Variants in GALNT13 observed in about 807,000 individuals in gnomAD.
GALNT13 encodes polypeptide N-acetylgalactosaminyltransferase 13.
Under a neutral mutation model 64.2 loss-of-function variants are expected in GALNT13, and 28 were observed. That is an observed-to-expected ratio of 0.44 (90% CI 0.32 to 0.60). GALNT13 has a LOEUF of 0.60. Ranked by LOEUF, GALNT13 falls within the 20% of genes least tolerant of loss-of-function variation. The pLI, the probability that GALNT13 is intolerant of heterozygous loss-of-function variation, is 0.05. For missense variants in GALNT13, 577 were observed against 669.8 expected, an observed-to-expected ratio of 0.86 and a Z score of 1.53; for synonymous variants, 214 against 224.6, an observed-to-expected ratio of 0.95 and a Z score of 0.42.
At chr2:153,163,875 G>T in the GALNT13 span, among the ~76,000 whole-genome samples, 1 of 151,786 alleles carries the variant, frequency 6.6e-6, no homozygotes, top group African/African-American at 2.4e-5. Flanking sequence ...AAAATTGGCC[G>T]GGCGTGGTGG....
chr2:153,370,467 A>G, the GALNT13 span: 1 of 152,162 alleles, frequency 6.6e-6, no homozygotes, highest in Non-Finnish European at 1.5e-5. Context: ...ATAACATATC[A>G]CGAGTAATTT....
intron 4 of GALNT13, among the ~76,000 whole-genome samples, chr2:154,148,011 G>A (rs1026089824): frequency 6.6e-6 from 1 of 151,868 alleles, no homozygotes; most frequent in African/African-American, 2.4e-5. Flanking sequence ...CTGGTGTGCT[G>A]CACCCATTAA....
chr2:154,317,407 G>T (rs897898691), intron 9 of GALNT13, among the ~76,000 whole-genome samples: 1 of 152,076 alleles, frequency 6.6e-6, no homozygotes, highest in Non-Finnish European at 1.5e-5. Context: ...GTAATATCTA[G>T]AAATATTCAA....
At chr2:153,744,332 A>G in the GALNT13 span, among the ~76,000 whole-genome samples, 2 of 152,082 alleles carry the variant, frequency 1.3e-5, no homozygotes, top group African/African-American at 4.8e-5. Flanking sequence ...ACTCCTCACC[A>G]GCATTTGGTA....
At chr2:154,180,525 G>C (rs1232350415) in intron 4 of GALNT13, among the ~76,000 whole-genome samples, 1 of 148,024 alleles carries the variant, frequency 6.8e-6, no homozygotes, top group Non-Finnish European at 1.5e-5. Flanking sequence ...TAAAAAAATA[G>C]ATTTGTTTTT....
chr2:153,213,709 T>A, the GALNT13 span, among the ~76,000 whole-genome samples: 1 of 152,192 alleles, frequency 6.6e-6, no homozygotes, highest in East Asian at 1.9e-4. Flanking sequence ...TCAGTCAGTT[T>A]TTTTTAGTTC....
the GALNT13 span, among the ~76,000 whole-genome samples, chr2:153,422,556 TA>T: frequency 6.6e-6 from 1 of 151,990 alleles, no homozygotes; most frequent in Non-Finnish European, 1.5e-5. Flanking sequence ...CTTATCACAA[TA>T]AAAAAATACA....
the GALNT13 span, among the ~76,000 whole-genome samples, chr2:153,282,642 C>G: frequency 6.6e-6 from 1 of 152,154 alleles, no homozygotes; most frequent in Non-Finnish European, 1.5e-5. Flanking sequence ...TCTCAAACTC[C>G]TGGGCTCAAG....
At chr2:153,436,223 G>A in the GALNT13 span, among the ~76,000 whole-genome samples, 3 of 152,130 alleles carry the variant, frequency 2.0e-5, no homozygotes, top group Admixed American at 6.5e-5. Context: ...TGCTGGATTC[G>A]TTTTGCCAGT....
intron 3 of GALNT13, among the ~76,000 whole-genome samples, chr2:154,087,101 A>C (rs774854799): frequency 6.6e-6 from 1 of 152,078 alleles, no homozygotes; most frequent in Non-Finnish European, 1.5e-5. Flanking sequence ...ATTAACGAGA[A>C]ACCTTAACTT....
chr2:153,799,657 A>G, the GALNT13 span, among the ~76,000 whole-genome samples: 248 of 152,244 alleles, frequency 1.6e-3, 3 homozygotes, highest in African/African-American at 5.8e-3. Context: ...TCCCTATTAA[A>G]TAATTACATT....
intron 8 of GALNT13, among the ~76,000 whole-genome samples, chr2:154,261,623 T>C (rs1424822035): frequency 6.6e-6 from 1 of 152,162 alleles, no homozygotes; most frequent in African/African-American, 2.4e-5. Context: ...CAAACATACA[T>C]TGAGCAAGTG....
At chr2:154,203,486 T>C (rs778341542) in intron 4 of GALNT13, among the ~76,000 whole-genome samples, 1 of 152,152 alleles carries the variant, frequency 6.6e-6, no homozygotes, top group Non-Finnish European at 1.5e-5. Flanking sequence ...GATACATAGA[T>C]AGATTTTTAA....
the GALNT13 span, among the ~76,000 whole-genome samples, chr2:153,167,150 C>T: frequency 6.6e-6 from 1 of 152,228 alleles, no homozygotes; most frequent in African/African-American, 2.4e-5. Flanking sequence ...CAGTCTGTGG[C>T]ATGTTGTAGT....
At chr2:154,412,575 A>G (rs1391109289) in intron 11 of GALNT13, among the ~76,000 whole-genome samples, 1 of 151,634 alleles carries the variant, frequency 6.6e-6, no homozygotes, top group Admixed American at 6.6e-5. Context: ...GTCAACAATT[A>G]TACCTTAACC....
the GALNT13 span, among the ~76,000 whole-genome samples, chr2:153,285,150 A>C: frequency 6.6e-6 from 1 of 152,138 alleles, no homozygotes; most frequent in Non-Finnish European, 1.5e-5. Flanking sequence ...GAGAGAATGA[A>C]TGCAAGCAGG....
chr2:154,120,674 A>G (rs1294740811), intron 3 of GALNT13, among the ~76,000 whole-genome samples: 1 of 152,126 alleles, frequency 6.6e-6, no homozygotes, highest in African/African-American at 2.4e-5. Context: ...TGTAAAATAT[A>G]CAGAGGTGGG....
At chr2:153,523,253 A>G in the GALNT13 span, among the ~76,000 whole-genome samples, 1 of 152,058 alleles carries the variant, frequency 6.6e-6, no homozygotes, top group Non-Finnish European at 1.5e-5. Flanking sequence ...AAGTCAGGCA[A>G]TATCAATACT....
chr2:153,206,873 C>A, the GALNT13 span, among the ~76,000 whole-genome samples: 2 of 152,010 alleles, frequency 1.3e-5, no homozygotes, highest in South Asian at 2.1e-4. Flanking sequence ...TTCAGTGAAC[C>A]CCCATTTTAC....
Sources: allele counts gnomAD v4.1 joint callset (sites outside exome capture counted in the v4.1 genomes callset), GRCh38; gene constraint gnomAD v4.1.1; transcripts MANE v1.5; gene names NCBI Gene and HGNC (gene_info 2026-07-23, HGNC 2026-07-21).